PIP4K2A: variants seen among roughly 807,000 people sequenced by gnomAD.
PIP4K2A encodes the protein phosphatidylinositol 5-phosphate 4-kinase type-2 alpha.
Under a neutral mutation model 42.9 loss-of-function variants are expected in PIP4K2A, and 14 were observed. That is an observed-to-expected ratio of 0.33 (90% CI 0.22 to 0.51). PIP4K2A has a LOEUF of 0.51. Ranked by LOEUF, PIP4K2A falls within the 20% of genes least tolerant of loss-of-function variation. The pLI is 0.97. For missense variants in PIP4K2A, 434 were observed against 519.8 expected (o/e 0.83, Z 1.61); for synonymous variants, 192 against 192.2 (o/e 1.00, Z 0.01).
chr10:22,580,340 A>C (rs763505561), intron 4 of PIP4K2A, among the ~76,000 whole-genome samples: 33 of 152,024 alleles, frequency 2.2e-4, no homozygotes, highest in Admixed American at 2.2e-3. Context: ...ATAACTTGTA[A>C]GCGAATGCTT....
At chr10:22,714,059 G>C in intron 1 of PIP4K2A, 124 bp downstream of exon 1, 2 of 1,014,158 alleles carry the variant, frequency 2.0e-6, no homozygotes, top group Non-Finnish European at 1.4e-6. Context: ...AGGCGGGCGA[G>C]CAGCCGGAGG....
At chr10:22,644,288 T>C (rs926933174) in intron 1 of PIP4K2A, among the ~76,000 whole-genome samples, 78 of 152,242 alleles carry the variant, frequency 5.1e-4, no homozygotes, top group African/African-American at 1.9e-3. Flanking sequence ...ATTCAAAACA[T>C]GCCCCAAATC....
At chr10:22,626,013 T>A (rs1334619065) in intron 1 of PIP4K2A, among the ~76,000 whole-genome samples, 1 of 152,136 alleles carries the variant, frequency 6.6e-6, no homozygotes, top group African/African-American at 2.4e-5. Context: ...GAGTCCTTTC[T>A]AGCTGGACTC....
rs140611831 is a variant in PIP4K2A at position 22,543,781 on chromosome 10, C to T, written c.793-1734G>A. 5.9e-5 allele frequency among the ~76,000 whole-genome samples: 9 copies of T among 152,322 alleles called. No homozygotes were observed. In the East Asian group the frequency reaches 7.7e-4, roughly 13 times the overall value. ...TGGTGGAAGGCTCACTTGAGTCCTC[C>T]ACCCGCACGGTGAAGCCAGCCAGGG... On this transcript the variant is annotated intron_variant, in intron 7 of 9. Coordinates refer to ENST00000376573, the MANE Select transcript of PIP4K2A (RefSeq NM_005028.5).
chr10:22,579,888 G>A (rs1837220883), intron 4 of PIP4K2A, among the ~76,000 whole-genome samples: 1 of 150,704 alleles, frequency 6.6e-6, no homozygotes, highest in Non-Finnish European at 1.5e-5. Context: ...CAGCCTAGGT[G>A]ATAGAACGAG....
chr10:22,565,844 C>T (rs112676061), intron 6 of PIP4K2A, among the ~76,000 whole-genome samples: 7,887 of 151,632 alleles, frequency 0.052, 487 homozygotes, highest in African/African-American at 0.15. Flanking sequence ...AACAGCCCCC[C>T]CAGGTGTGCC....
chr10:22,700,080 C>G (rs1428911705), intron 1 of PIP4K2A, among the ~76,000 whole-genome samples: 2 of 152,148 alleles, frequency 1.3e-5, no homozygotes, highest in Non-Finnish European at 2.9e-5. Context: ...TGAGATCGAG[C>G]AGAAGCCTGC....
intron 1 of PIP4K2A, among the ~76,000 whole-genome samples, chr10:22,654,890 G>A (rs1026259928): frequency 6.6e-6 from 1 of 152,142 alleles, no homozygotes; most frequent in Non-Finnish European, 1.5e-5. Flanking sequence ...GAAGGCTACG[G>A]CAAAAGTGGG....
chr10:22,710,185 C>T (rs1401545777), intron 1 of PIP4K2A, among the ~76,000 whole-genome samples: 3 of 152,084 alleles, frequency 2.0e-5, no homozygotes, highest in African/African-American at 7.2e-5. Flanking sequence ...ATGAATTCTC[C>T]AATCCACACA....
rs114922855 is a variant in PIP4K2A, at chr10:22,682,738, C to A, written c.144+31445G>T. Among the ~76,000 whole-genome samples the A allele has an allele frequency of 6.8e-3, 1,033 of 152,300 alleles. 20 individuals carry two copies. The highest frequency in any genetic ancestry group is 0.024 in the African/African-American group (982 of 41,548). ...GTGAATTCCTCCAGACTGAGCCAGT[C>A]TGAACTTGGCTCCTAGACTCTCTAC... On this transcript the variant is annotated intron_variant, in intron 1 of 9. Transcript: ENST00000376573.
At chr10:22,695,943 C>T (rs72816866) in intron 1 of PIP4K2A, among the ~76,000 whole-genome samples, 1 of 152,126 alleles carries the variant, frequency 6.6e-6, no homozygotes, top group Non-Finnish European at 1.5e-5. Flanking sequence ...TTCTTCCCCC[C>T]ACTCATCTCA....
chr10:22,593,295 C>T lies in PIP4K2A; in HGVS notation c.340-1514G>A, dbSNP rs529746231. Among the ~76,000 whole-genome samples, 50 of 152,224 alleles carry T rather than the reference C, an allele frequency of 3.3e-4. No individual in the cohort carries two copies. In the South Asian group the frequency reaches 1.0e-2, roughly 30 times the overall value. On this transcript the variant is annotated intron_variant, in intron 3 of 9. Coordinates refer to ENST00000376573, the MANE Select transcript of PIP4K2A (RefSeq NM_005028.5). ...CACCTGCCAGATGCAGAGTCCAGGC[C>T]ACCAAGTAACTGAATTTGCTTTCCT...
At chr10:22,619,439 C>CTTT (rs746519034) in intron 1 of PIP4K2A, among the ~76,000 whole-genome samples, 12,960 of 137,418 alleles carry the variant, frequency 0.094, 1,797 homozygotes, top group African/African-American at 0.31. Flanking sequence ...TTTCTTTTTT[C>CTTT]TTTTTTTTTT....
At chr10:22,696,311 A>G (rs1299001261) in intron 1 of PIP4K2A, among the ~76,000 whole-genome samples, 1 of 152,224 alleles carries the variant, frequency 6.6e-6, no homozygotes, top group African/African-American at 2.4e-5. Context: ...TCCTCAGCTG[A>G]CATGCCCAAC....
Position 22,537,123 on chromosome 10 carries a change from G to T in PIP4K2A, c.*78C>A. ...TCCTGCAAGATGAGTACTTCACTGA[G>T]TTTGGTTTTCATTTTTCCTACACCG... On this transcript the variant is annotated 3_prime_UTR_variant, in exon 10 of 10. Coordinates refer to ENST00000376573, the MANE Select transcript of PIP4K2A (RefSeq NM_005028.5). 1 of 1,094,530 alleles carries T rather than the reference G, an allele frequency of 9.1e-7. No individual in the cohort carries two copies. The highest frequency in any genetic ancestry group is 1.4e-6 in the Non-Finnish European group (1 of 736,790). The allele number at this position is 1,094,530 out of a possible 1,614,324, so 67.8% of individuals were successfully genotyped here.
chr10:22,591,922 A>G, intron 3 of PIP4K2A, 141 bp from the exon 4 acceptor site: 2 of 697,890 alleles, frequency 2.9e-6, no homozygotes, highest in Non-Finnish European at 4.5e-6. Flanking sequence ...AAGTAGGATG[A>G]CAACATTTTT....
chr10:22,595,287 C>T (rs960200930), intron 3 of PIP4K2A, among the ~76,000 whole-genome samples: 18 of 152,158 alleles, frequency 1.2e-4, no homozygotes, highest in Non-Finnish European at 2.2e-4. Flanking sequence ...AGCAATGTGC[C>T]TAAGATTCCT....
chr10:22,539,174 G>A (rs1162073856), intron 9 of PIP4K2A, among the ~76,000 whole-genome samples: 1 of 152,176 alleles, frequency 6.6e-6, no homozygotes, highest in African/African-American at 2.4e-5. Flanking sequence ...AAGGGGATGA[G>A]CATGAACACA....
chr10:22,565,308 C>A (rs922820749), intron 6 of PIP4K2A, among the ~76,000 whole-genome samples: 1 of 152,144 alleles, frequency 6.6e-6, no homozygotes, highest in African/African-American at 2.4e-5. Context: ...AGTCAGGGAC[C>A]CCAAACGGAG....
Sources: gnomAD v4.1 joint callset for allele counts (sites outside exome capture counted in the v4.1 genomes callset) on GRCh38, gnomAD v4.1.1 for gene constraint, MANE v1.5 for transcripts, NCBI Gene and HGNC (gene_info 2026-07-23, HGNC 2026-07-21) for gene names.